ADAM22: variants seen among roughly 807,000 people sequenced by gnomAD.
ADAM22 encodes ADAM metallopeptidase domain 22, also known as disintegrin and metalloproteinase domain-containing protein 22.
ADAM22 carries 65 observed loss-of-function variants against 144.6 expected under a neutral mutation model. The observed-to-expected ratio is 0.45, with a 90% CI of 0.37 to 0.55. ADAM22 has a LOEUF of 0.55. Ranked by LOEUF, ADAM22 falls within the 20% of genes least tolerant of loss-of-function variation. The pLI is 0.00. For missense variants in ADAM22, 974 were observed against 1,184.9 expected (o/e 0.82, Z 2.61); for synonymous variants, 391 against 412.6 (o/e 0.95, Z 0.63).
chr7:88,075,022 C>T (rs1813882227), intron 3 of ADAM22, among the ~76,000 whole-genome samples: 1 of 151,730 alleles, frequency 6.6e-6, no homozygotes, highest in South Asian at 2.1e-4. Context: ...TCTTGAGACC[C>T]CTCCATTAAA....
At chr7:88,189,659 A>C (rs1849150444) in intron 30 of ADAM22, among the ~76,000 whole-genome samples, 1 of 152,142 alleles carries the variant, frequency 6.6e-6, no homozygotes, top group South Asian at 2.1e-4. Context: ...ATTCTCCTGG[A>C]TCTAGGCCAG....
intron 3 of ADAM22, among the ~76,000 whole-genome samples, chr7:88,006,011 T>C (rs1793754103): frequency 6.6e-6 from 1 of 152,204 alleles, no homozygotes; most frequent in African/African-American, 2.4e-5. Context: ...GCATACTTTC[T>C]AATCATTTCT....
At chr7:88,119,218 C>G (rs957123090) in intron 7 of ADAM22, among the ~76,000 whole-genome samples, 13 of 152,180 alleles carry the variant, frequency 8.5e-5, no homozygotes, top group African/African-American at 2.9e-4. Context: ...ATATAAAAGT[C>G]TTGTGTACCA....
At chr7:88,018,476 C>T (rs1344331557) in intron 3 of ADAM22, among the ~76,000 whole-genome samples, 1 of 152,050 alleles carries the variant, frequency 6.6e-6, no homozygotes, top group African/African-American at 2.4e-5. Flanking sequence ...TAGCATTTCA[C>T]ACTGAGTAGA....
chr7:88,163,302 A>G, intron 23 of ADAM22, 122 bp downstream of exon 23: 1 of 711,096 alleles, frequency 1.4e-6, no homozygotes, highest in Non-Finnish European at 2.1e-6. Flanking sequence ...TAGTTGGTAT[A>G]TAAATACTAA....
intron 3 of ADAM22, among the ~76,000 whole-genome samples, chr7:87,997,018 A>G (rs1018052306): frequency 6.6e-6 from 1 of 152,196 alleles, no homozygotes; most frequent in African/African-American, 2.4e-5. Context: ...CCTTTCCTTT[A>G]AAGGGTTGCC....
chr7:88,051,589 A>T (rs527372364), intron 3 of ADAM22, among the ~76,000 whole-genome samples: 21 of 152,284 alleles, frequency 1.4e-4, no homozygotes, highest in Admixed American at 1.4e-3. Context: ...ATTAGGAGAT[A>T]TACCTAATGT....
intron 3 of ADAM22, among the ~76,000 whole-genome samples, chr7:88,031,117 A>AAAAC (rs140722951): frequency 8.1e-4 from 122 of 151,400 alleles, no homozygotes; most frequent in African/African-American, 2.9e-3. Context: ...CTCCGTCTCA[A>AAAAC]AAACAAACAA....
intron 14 of ADAM22, among the ~76,000 whole-genome samples, chr7:88,141,113 A>G (rs1309451469): frequency 1.3e-5 from 2 of 152,212 alleles, no homozygotes; most frequent in Non-Finnish European, 2.9e-5. Context: ...GGTAATGAGG[A>G]AAGTTTACTT....
intron 3 of ADAM22, among the ~76,000 whole-genome samples, chr7:87,996,056 C>G (rs985043586): frequency 6.6e-6 from 1 of 152,156 alleles, no homozygotes; most frequent in Non-Finnish European, 1.5e-5. Context: ...GCTACTCAGT[C>G]AGTCACTGTA....
chr7:88,120,326 C>A (rs747658943), intron 7 of ADAM22, among the ~76,000 whole-genome samples: 65 of 152,154 alleles, frequency 4.3e-4, no homozygotes, highest in Non-Finnish European at 7.4e-4. Context: ...ATCCCTCCCC[C>A]CTTCCCCCAC....
At chr7:88,036,872 C>T (rs1254739041) in intron 3 of ADAM22, among the ~76,000 whole-genome samples, 2 of 151,888 alleles carry the variant, frequency 1.3e-5, no homozygotes, top group Non-Finnish European at 2.9e-5. Flanking sequence ...GCTTTTCCTT[C>T]TTTTCTTTCT....
At chr7:88,181,665 C>T (rs1847058057) in intron 28 of ADAM22, 60 bp downstream of exon 28, 3 of 1,424,168 alleles carry the variant, frequency 2.1e-6, no homozygotes, top group Non-Finnish European at 2.9e-6. Context: ...TTCTGTGGCC[C>T]CTGGTTGTAA....
At chr7:88,188,565 TTTAA>T (rs1253242684) in intron 30 of ADAM22, among the ~76,000 whole-genome samples, 1 of 152,244 alleles carries the variant, frequency 6.6e-6, no homozygotes, top group African/African-American at 2.4e-5. Context: ...ACAGTTATAA[TTTAA>T]TTGACATTTT....
chr7:88,104,559 T>C (rs1382284086), intron 4 of ADAM22, among the ~76,000 whole-genome samples: 3 of 151,014 alleles, frequency 2.0e-5, no homozygotes, highest in Admixed American at 6.6e-5. Context: ...TTTAATAATA[T>C]AGTTTATATA....
intron 8 of ADAM22, among the ~76,000 whole-genome samples, chr7:88,127,272 A>T (rs1830639143): frequency 6.6e-6 from 1 of 151,964 alleles, no homozygotes; most frequent in Non-Finnish European, 1.5e-5. Flanking sequence ...TCAGCATCTA[A>T]TCATTTGCTA....
intron 3 of ADAM22, among the ~76,000 whole-genome samples, chr7:87,980,193 C>G (rs760707124): frequency 6.6e-6 from 1 of 150,710 alleles, no homozygotes; most frequent in Admixed American, 6.6e-5. Flanking sequence ...ATTTTTCTTT[C>G]TATTTCAATG....
At chr7:88,005,647 A>G (rs1793634953) in intron 3 of ADAM22, among the ~76,000 whole-genome samples, 1 of 152,144 alleles carries the variant, frequency 6.6e-6, no homozygotes, top group African/African-American at 2.4e-5. Flanking sequence ...GGGCAGAGAG[A>G]GATGCTAAAT....
intron 4 of ADAM22, among the ~76,000 whole-genome samples, chr7:88,086,358 A>G (rs913808885): frequency 3.9e-5 from 6 of 152,146 alleles, no homozygotes; most frequent in Non-Finnish European, 7.3e-5. Context: ...TTGTTCCTTA[A>G]CATAATGATT....
Sources: gnomAD v4.1 joint callset for allele counts (sites outside exome capture counted in the v4.1 genomes callset) on GRCh38, gnomAD v4.1.1 for gene constraint, MANE v1.5 for transcripts, NCBI Gene and HGNC (gene_info 2026-07-23, HGNC 2026-07-21) for gene names.